Variants in SLIT2 observed in about 807,000 individuals in gnomAD.
SLIT2 encodes slit guidance ligand 2, also known as slit homolog 2 protein.
In SLIT2, 41 loss-of-function variants were observed where a neutral mutation model predicts 185.7. That is an observed-to-expected ratio of 0.22 (90% CI 0.17 to 0.29). The LOEUF (loss-of-function observed/expected upper bound fraction) is 0.29, where lower values mean the gene tolerates loss of function less well. Ranked by LOEUF, SLIT2 falls within the 10% of genes least tolerant of loss-of-function variation. The pLI is 1.00. For synonymous variants in SLIT2, 693 were observed against 680.2 expected, an observed-to-expected ratio of 1.02 and a Z score of -0.29; for missense variants, 1,571 against 1,909.0, an observed-to-expected ratio of 0.82 and a Z score of 3.30.
intron 4 of SLIT2, among the ~76,000 whole-genome samples, chr4:20,454,804 G>T (rs1178840502): frequency 6.6e-6 from 1 of 152,020 alleles, no homozygotes; most frequent in Non-Finnish European, 1.5e-5. Context: ...AGGTTAATGG[G>T]ATACTCAACT....
intron 4 of SLIT2, among the ~76,000 whole-genome samples, chr4:20,342,682 A>C (rs1162357368): frequency 9.8e-6 from 1 of 102,172 alleles, no homozygotes; most frequent in Non-Finnish European, 2.0e-5. Context: ...TCTTATAGTT[A>C]TTTGATTTGA....
intron 4 of SLIT2, among the ~76,000 whole-genome samples, chr4:20,429,301 C>T (rs1728790370): frequency 6.6e-6 from 1 of 151,902 alleles, no homozygotes; most frequent in East Asian, 1.9e-4. Flanking sequence ...CTATGCAATC[C>T]CAATTTTTGT....
chr4:20,391,259 A>G (rs1456684065), intron 4 of SLIT2, among the ~76,000 whole-genome samples: 6 of 152,092 alleles, frequency 3.9e-5, no homozygotes, highest in Admixed American at 2.6e-4. Context: ...ATCAGCCACA[A>G]TGCACATAAC....
At chr4:20,467,657 C>G in intron 4 of SLIT2, 95 bp from the exon 5 acceptor site, 1 of 653,978 alleles carries the variant, frequency 1.5e-6, no homozygotes, top group Non-Finnish European at 2.5e-6. Context: ...TTTCTTTTTT[C>G]TTTCTGGTGT....
intron 9 of SLIT2, among the ~76,000 whole-genome samples, chr4:20,499,788 T>A (rs1718549719): frequency 6.6e-6 from 1 of 152,080 alleles, no homozygotes; most frequent in Non-Finnish European, 1.5e-5. Context: ...ATGCCCAGAG[T>A]CATCTGACTT....
Position 20,533,679 on chromosome 4 carries a change from A to G in SLIT2, c.1796A>G (p.His599Arg), listed in dbSNP as rs992437716. 1.2e-6 allele frequency: 2 copies of G among 1,613,874 alleles called. No homozygotes were observed. The highest frequency in any genetic ancestry group is 1.7e-6 in the Non-Finnish European group (2 of 1,179,850). ...LTSNRLENVQHKMFKGLESLK... is the reference protein window; with the variant it reads ...LTSNRLENVQRKMFKGLESLK... ...AGTAATCGTTTGGAAAATGTGCAGC[A>G]TAAGATGTTCAAGGGATTGGAAAGC... The change falls in exon 18 of 37, where the codon CAT (histidine) becomes CGT (arginine). Residue 599 changes from histidine (H) to arginine (R), a missense_variant. Physicochemically the swap from His to Arg is conservative, Grantham distance 29 (BLOSUM62 0). Coordinates refer to ENST00000504154, the MANE Select transcript of SLIT2 (RefSeq NM_004787.4).
chr4:20,421,687 G>A (rs1296671206), intron 4 of SLIT2, among the ~76,000 whole-genome samples: 2 of 152,094 alleles, frequency 1.3e-5, no homozygotes, highest in African/African-American at 4.8e-5. Flanking sequence ...TTTTTACAAT[G>A]TAATGAGATG....
rs556139170 is a variant in SLIT2 at position 20,255,877 on chromosome 4, C to T, written c.180-795C>T. Among the ~76,000 whole-genome samples the T allele has an allele frequency of 9.7e-4, 147 of 152,250 alleles. 1 individual carries two copies. The highest frequency in any genetic ancestry group is 3.2e-3 in the African/African-American group (133 of 41,546). On this transcript the variant is annotated intron_variant, in intron 1 of 36. Coordinates refer to ENST00000504154, the MANE Select transcript of SLIT2 (RefSeq NM_004787.4). ...ATATAGAGCTTACTTCTATGAAGAG[C>T]ATTCAAACCGCAGCAAAGCCTGGTT...
At chr4:20,271,680 T>C (rs893009872) in intron 4 of SLIT2, among the ~76,000 whole-genome samples, 2 of 151,798 alleles carry the variant, frequency 1.3e-5, no homozygotes, top group Non-Finnish European at 2.9e-5. Flanking sequence ...TAACACTATG[T>C]TTTCCCAGGT....
intron 4 of SLIT2, among the ~76,000 whole-genome samples, chr4:20,279,651 T>A (rs2109052232): frequency 6.6e-6 from 1 of 152,336 alleles, no homozygotes; most frequent in Admixed American, 6.5e-5. Flanking sequence ...AAAATGAGGA[T>A]ACTAGGAGTA....
intron 29 of SLIT2, among the ~76,000 whole-genome samples, chr4:20,570,889 A>C (rs1725548443): frequency 6.6e-6 from 1 of 151,360 alleles, no homozygotes; most frequent in South Asian, 2.1e-4. Flanking sequence ...TCCTGCTTTG[A>C]CTTTAGATTT....
intron 4 of SLIT2, among the ~76,000 whole-genome samples, chr4:20,347,832 A>C (rs1374118406): frequency 6.6e-6 from 1 of 152,232 alleles, no homozygotes; most frequent in East Asian, 1.9e-4. Context: ...TAAAGCTCAT[A>C]GATACCCAGG....
rs929725188 is a variant in SLIT2, at chr4:20,617,426, C to G, written c.4137-13C>G. 1 of 1,611,324 alleles carries G rather than the reference C, an allele frequency of 6.2e-7. No homozygotes were observed. The highest frequency in any genetic ancestry group is 8.5e-7 in the Non-Finnish European group (1 of 1,177,612). On this transcript the variant is annotated splice_polypyrimidine_tract_variant and intron_variant, in intron 35 of 36. Transcript: ENST00000504154. ...TGAATGCATTCCCACTCCTGTGTTC[C>G]TCCTCCCTGTAGATGCGTACATGGC...
At chr4:20,286,456 A>C (rs1715275137) in intron 4 of SLIT2, among the ~76,000 whole-genome samples, 1 of 151,846 alleles carries the variant, frequency 6.6e-6, no homozygotes, top group Admixed American at 6.6e-5. Context: ...CTGCTCCTGT[A>C]TTTCTTTATC....
intron 34 of SLIT2, among the ~76,000 whole-genome samples, chr4:20,613,789 A>G (rs1560241126): frequency 6.6e-6 from 1 of 152,218 alleles, no homozygotes; most frequent in Non-Finnish European, 1.5e-5. Flanking sequence ...GGGGAGAGGC[A>G]GCCCCTTGGT....
chr4:20,253,709 G>A lies in SLIT2; in HGVS notation c.-107G>A. ...GTGCACATTTTCCCTGGCACTCTGG[G>A]TTGCTAGCCCCGCCGGGCACTGGGC... On this transcript the variant is annotated 5_prime_UTR_variant, in exon 1 of 37. Transcript: ENST00000504154. 7.3e-7 allele frequency: 1 copy of A among 1,368,938 alleles called. No individual in the cohort carries two copies. The highest frequency in any genetic ancestry group is 1.3e-5 in the South Asian group (1 of 77,494). 84.8% of individuals were successfully genotyped at this position (1,368,938 alleles called of 1,614,324 possible).
intron 5 of SLIT2, among the ~76,000 whole-genome samples, chr4:20,471,908 T>G (rs1715074815): frequency 6.6e-6 from 1 of 152,082 alleles, no homozygotes; most frequent in Admixed American, 6.6e-5. Context: ...TATTCATTTC[T>G]TAACTCGATT....
intron 9 of SLIT2, among the ~76,000 whole-genome samples, chr4:20,506,965 T>C (rs954157171): frequency 2.0e-5 from 3 of 151,968 alleles, no homozygotes; most frequent in Admixed American, 6.6e-5. Context: ...GGAACAAGAT[T>C]GAAAATAGAT....
intron 5 of SLIT2, among the ~76,000 whole-genome samples, chr4:20,474,629 G>A (rs1456314898): frequency 6.6e-6 from 1 of 151,958 alleles, no homozygotes; most frequent in Non-Finnish European, 1.5e-5. Flanking sequence ...TCATGCCATG[G>A]CTGCTGTGTC....
Sources: allele counts gnomAD v4.1 joint callset (sites outside exome capture counted in the v4.1 genomes callset), GRCh38; gene constraint gnomAD v4.1.1; transcripts MANE v1.5; gene names NCBI Gene and HGNC (gene_info 2026-07-23, HGNC 2026-07-21).